The following SYNPR variants were observed in gnomAD, a reference collection of about 807,000 sequenced individuals.
SYNPR encodes synaptoporin.
SYNPR carries 23 observed loss-of-function variants against 32.9 expected under a neutral mutation model. The ratio of observed to expected loss-of-function variants is 0.70; its 90% CI spans 0.50 to 0.99. SYNPR has a LOEUF of 0.99. Among genes scored for constraint, SYNPR ranks in the 50% least tolerant of loss-of-function variants. The pLI is 0.00. For missense variants in SYNPR, 318 were observed against 349.3 expected, an observed-to-expected ratio of 0.91 and a Z score of 0.71; for synonymous variants, 146 against 135.9, an observed-to-expected ratio of 1.07 and a Z score of -0.52.
intron 4 of SYNPR, among the ~76,000 whole-genome samples, chr3:63,573,069 C>A (rs1049535250): frequency 6.6e-6 from 1 of 151,976 alleles, no homozygotes; most frequent in African/African-American, 2.4e-5. Flanking sequence ...TATAGTTTTC[C>A]AATTAGGGGG....
intron 2 of SYNPR, among the ~76,000 whole-genome samples, chr3:63,450,588 G>A (rs1007873144): frequency 4.6e-5 from 7 of 152,180 alleles, no homozygotes; most frequent in Admixed American, 1.3e-4. Flanking sequence ...AGGTACCTGA[G>A]ACAGGTTCCT....
chr3:63,433,598 G>A (rs188902320), intron 2 of SYNPR, among the ~76,000 whole-genome samples: 2 of 152,258 alleles, frequency 1.3e-5, no homozygotes, highest in Non-Finnish European at 2.9e-5. Context: ...AGTACTGCAC[G>A]CTTCGGTTCT....
At chr3:63,579,956 T>C (rs1159077752) in intron 4 of SYNPR, among the ~76,000 whole-genome samples, 1 of 152,114 alleles carries the variant, frequency 6.6e-6, no homozygotes, top group Non-Finnish European at 1.5e-5. Flanking sequence ...ATATTAAAAA[T>C]GAATTATGAA....
rs1295012406 is a variant in SYNPR at position 63,616,140 on chromosome 3, G to T, written c.*659G>T. On this transcript the variant is annotated 3_prime_UTR_variant, in exon 6 of 6. Transcript: ENST00000478300. ...ACTACTTTGTATACTTTGCAAATTT[G>T]TCTCTCTGGCTTTACCCAAGTTCTG... 6.6e-6 allele frequency: 1 copy of T among 152,138 alleles called. No individual in the cohort carries two copies. The highest frequency in any genetic ancestry group is 2.4e-5 in the African/African-American group (1 of 41,434). 9.4% of individuals were successfully genotyped at this position (152,138 alleles called of 1,614,324 possible). A position where few individuals can be genotyped will look rare whatever the true frequency, so the allele number is the denominator to read the frequency against.
chr3:63,214,178 T>C, the SYNPR span, among the ~76,000 whole-genome samples: 26 of 20,170 alleles, frequency 1.3e-3, 9 homozygotes, highest in African/African-American at 4.1e-3. Flanking sequence ...TCTTTTTTGG[T>C]TGTGTCTCTG....
chr3:63,282,131 T>G (rs1022346240), intron 2 of SYNPR, among the ~76,000 whole-genome samples: 1 of 152,240 alleles, frequency 6.6e-6, no homozygotes, highest in Non-Finnish European at 1.5e-5. Flanking sequence ...CAGTAGATAT[T>G]TGATTCTTCA....
intron 2 of SYNPR, among the ~76,000 whole-genome samples, chr3:63,404,684 A>G (rs2088337031): frequency 6.6e-6 from 1 of 152,092 alleles, no homozygotes; most frequent in Non-Finnish European, 1.5e-5. Flanking sequence ...TTTTAATTAT[A>G]TTTATTTTCA....
At chr3:63,201,579 T>C in the SYNPR span, among the ~76,000 whole-genome samples, 3 of 152,136 alleles carry the variant, frequency 2.0e-5, no homozygotes, top group Non-Finnish European at 4.4e-5. Flanking sequence ...GATTGGGAGA[T>C]ATCTTTCTAC....
intron 4 of SYNPR, among the ~76,000 whole-genome samples, chr3:63,578,936 C>G (rs1703040820): frequency 6.6e-6 from 1 of 152,072 alleles, no homozygotes; most frequent in African/African-American, 2.4e-5. Context: ...CAGCCAGAAA[C>G]CTGGGTGTTT....
chr3:63,333,337 A>G (rs1411372701), intron 2 of SYNPR, among the ~76,000 whole-genome samples: 1 of 96,368 alleles, frequency 1.0e-5, no homozygotes, highest in African/African-American at 4.7e-5. Context: ...CTTTGAATCT[A>G]AAAAAAAAAA....
intron 2 of SYNPR, among the ~76,000 whole-genome samples, chr3:63,450,258 C>A (rs985515338): frequency 6.6e-6 from 1 of 152,096 alleles, no homozygotes; most frequent in Non-Finnish European, 1.5e-5. Flanking sequence ...AGAGAGAGTG[C>A]GGGTTTTGAA....
At chr3:63,449,456 A>G (rs1007649308) in intron 2 of SYNPR, among the ~76,000 whole-genome samples, 2 of 152,150 alleles carry the variant, frequency 1.3e-5, no homozygotes, top group Non-Finnish European at 1.5e-5. Context: ...TTTATGTATT[A>G]TAAGATGTTA....
intron 2 of SYNPR, among the ~76,000 whole-genome samples, chr3:63,448,225 A>G (rs537382004): frequency 1.3e-5 from 2 of 151,630 alleles, no homozygotes; most frequent in South Asian, 2.1e-4. Context: ...GCTGGTCTTG[A>G]ATTGATAACC....
At chr3:63,591,921 T>TAAA (rs569646701) in intron 4 of SYNPR, among the ~76,000 whole-genome samples, 1 of 135,924 alleles carries the variant, frequency 7.4e-6, no homozygotes, top group Non-Finnish European at 1.6e-5. Context: ...TAAAGTATAA[T>TAAA]AAAAAAAAAA....
chr3:63,381,817 T>G (rs995520199), intron 2 of SYNPR, among the ~76,000 whole-genome samples: 1 of 152,222 alleles, frequency 6.6e-6, no homozygotes, highest in Admixed American at 6.5e-5. Flanking sequence ...CCTGCCTTCC[T>G]GTGGATTACT....
At chr3:63,400,348 T>C (rs937289193) in intron 2 of SYNPR, among the ~76,000 whole-genome samples, 1 of 152,212 alleles carries the variant, frequency 6.6e-6, no homozygotes, top group East Asian at 1.9e-4. Flanking sequence ...GGGTCTAATA[T>C]GAGTTTTTGC....
At chr3:63,594,011 G>A (rs920979141) in intron 4 of SYNPR, among the ~76,000 whole-genome samples, 5 of 152,140 alleles carry the variant, frequency 3.3e-5, no homozygotes, top group African/African-American at 4.8e-5. Flanking sequence ...AAATCAATGG[G>A]ATTTGGAGTC....
chr3:63,260,581 T>C (rs2086429646), intron 2 of SYNPR, among the ~76,000 whole-genome samples: 1 of 152,208 alleles, frequency 6.6e-6, no homozygotes, highest in Admixed American at 6.5e-5. Flanking sequence ...CAAGATGGAT[T>C]AAAGACTTAA....
intron 2 of SYNPR, among the ~76,000 whole-genome samples, chr3:63,454,973 T>C (rs1700454125): frequency 6.6e-6 from 1 of 152,172 alleles, no homozygotes; most frequent in Non-Finnish European, 1.5e-5. Flanking sequence ...TATAACGGAA[T>C]TTTCCAAACT....
Sources: allele counts gnomAD v4.1 joint callset (sites outside exome capture counted in the v4.1 genomes callset), GRCh38; gene constraint gnomAD v4.1.1; transcripts MANE v1.5; gene names NCBI Gene and HGNC (gene_info 2026-07-23, HGNC 2026-07-21).